ANK3: variants seen among roughly 807,000 people sequenced by gnomAD.
ANK3 encodes ankyrin 3.
Under a neutral mutation model 370.9 loss-of-function variants are expected in ANK3, and 57 were observed. That is an observed-to-expected ratio of 0.15 (90% CI 0.12 to 0.19). The LOEUF is 0.19. Among genes scored for constraint, ANK3 ranks in the 10% least tolerant of loss-of-function variants. ANK3 has a pLI of 1.00. For synonymous variants in ANK3, 1,929 were observed against 1,946.3 expected (o/e 0.99, Z 0.23); for missense variants, 4,439 against 5,302.1 (o/e 0.84, Z 5.06).
At chr10:60,497,977 T>C (rs569786247) in intron 2 of ANK3, among the ~76,000 whole-genome samples, 2 of 152,342 alleles carry the variant, frequency 1.3e-5, no homozygotes, top group South Asian at 2.1e-4. Flanking sequence ...TCTGCAGTTA[T>C]GTTTACCTTT....
chr10:60,492,394 G>C (rs916732448), intron 2 of ANK3, among the ~76,000 whole-genome samples: 3 of 152,102 alleles, frequency 2.0e-5, no homozygotes, highest in Non-Finnish European at 4.4e-5. Context: ...GAAACAGCAT[G>C]AGGATAGACA....
chr10:60,262,419 G>A (rs148053748), intron 6 of ANK3, among the ~76,000 whole-genome samples: 1,599 of 152,222 alleles, frequency 0.011, 42 homozygotes, highest in African/African-American at 0.036. Context: ...GGGGGAAGAC[G>A]TACTACCACA....
chr10:60,353,193 A>G (rs1384677633), intron 1 of ANK3, among the ~76,000 whole-genome samples: 3 of 137,686 alleles, frequency 2.2e-5, no homozygotes, highest in South Asian at 2.3e-4. Context: ...GGGTTTCACT[A>G]TGTTGCGCAG....
chr10:60,176,188 A>C (rs545788324), intron 18 of ANK3, among the ~76,000 whole-genome samples: 1,355 of 121,528 alleles, frequency 0.011, 9 homozygotes, highest in African/African-American at 0.016. Context: ...ACAAAAAAAA[A>C]AAAAAAACAA....
chr10:60,650,989 AG>A (rs759394392), intron 1 of ANK3, among the ~76,000 whole-genome samples: 2 of 152,188 alleles, frequency 1.3e-5, no homozygotes, highest in Non-Finnish European at 2.9e-5. Context: ...CCAGCTACTC[AG>A]GAGGTTGAGG....
Position 60,072,515 on chromosome 10 carries a change from G to T in ANK3, c.8366C>A (p.Thr2789Asn). The change falls in exon 37 of 44, where the codon ACC becomes AAC. Residue 2789 changes from threonine (T) to asparagine (N), a missense_variant. This residue lies in a region of ANK3 where 1,601 missense variants were observed against 1,731.7 expected (regional missense o/e 0.92). Coordinates refer to ENST00000280772, the MANE Select transcript of ANK3 (RefSeq NM_020987.5). ...SVQKDFMVLKTKDEHAQSNEI... is the reference protein window; with the variant it reads ...SVQKDFMVLKNKDEHAQSNEI... ...GTTGCTTTGGGCATGCTCATCTTTG[G>T]TTTTTAATACCATAAAATCTTTTTG... 1 of 1,613,718 alleles carries T rather than the reference G, an allele frequency of 6.2e-7. No homozygotes were observed. Among genetic ancestry groups the T allele is most frequent in the Non-Finnish European group, 8.5e-7 (1 of 1,179,934 alleles).
intron 4 of ANK3, among the ~76,000 whole-genome samples, chr10:60,273,743 T>G (rs12355714): frequency 4.0e-5 from 6 of 151,304 alleles, no homozygotes; most frequent in South Asian, 2.1e-4. Flanking sequence ...ATGGGGGGGG[T>G]TTCCCCCACA....
At chr10:60,272,814 A>G (rs915730168) in intron 4 of ANK3, among the ~76,000 whole-genome samples, 2 of 151,834 alleles carry the variant, frequency 1.3e-5, no homozygotes. Flanking sequence ...TTTTTCTTTC[A>G]GACATGAATA....
At chr10:60,472,571 C>G (rs1268594395) in intron 2 of ANK3, among the ~76,000 whole-genome samples, 1 of 152,160 alleles carries the variant, frequency 6.6e-6, no homozygotes, top group Non-Finnish European at 1.5e-5. Context: ...TCTCAGAGCT[C>G]TATTTCAGAG....
At chr10:60,114,832 A>C (rs186560918) in intron 25 of ANK3, among the ~76,000 whole-genome samples, 24 of 152,376 alleles carry the variant, frequency 1.6e-4, no homozygotes, top group Non-Finnish European at 2.8e-4. Flanking sequence ...AGCATCGAGA[A>C]CTAAAAGAAC....
rs556480841 is a variant in ANK3, at chr10:60,187,199, A to G, written c.1888-287T>C. ...TGAGACAGAGTCTCACTCTTCGCCC[A>G]GGCTGGAGTGCAGTGGCTGGATCTC... On this transcript the variant is annotated intron_variant, in intron 16 of 43. Coordinates refer to ENST00000280772, the MANE Select transcript of ANK3 (RefSeq NM_020987.5). Among the ~76,000 whole-genome samples, 466 of 150,378 alleles carry G rather than the reference A, an allele frequency of 3.1e-3. 3 individuals are homozygous for G. The highest frequency in any genetic ancestry group is 0.011 in the African/African-American group (444 of 40,318).
intron 23 of ANK3, among the ~76,000 whole-genome samples, chr10:60,148,279 T>G (rs151097154): frequency 6.6e-6 from 1 of 152,112 alleles, no homozygotes. Flanking sequence ...TACCTCTTCA[T>G]AGAAAAACCT....
At chr10:60,308,676 C>T (rs2045717064) in intron 1 of ANK3, among the ~76,000 whole-genome samples, 2 of 152,120 alleles carry the variant, frequency 1.3e-5, no homozygotes, top group South Asian at 4.2e-4. Context: ...CTGTTTCCAA[C>T]TGCATTTTCT....
At chr10:60,627,802 C>T (rs186022525) in intron 1 of ANK3, among the ~76,000 whole-genome samples, 1 of 152,156 alleles carries the variant, frequency 6.6e-6, no homozygotes, top group Non-Finnish European at 1.5e-5. Flanking sequence ...AATTCCAAGC[C>T]CTTTACAAAT....
chr10:60,685,522 A>T (rs1187041195), intron 1 of ANK3, among the ~76,000 whole-genome samples: 1 of 152,236 alleles, frequency 6.6e-6, no homozygotes, highest in Non-Finnish European at 1.5e-5. Flanking sequence ...AGTACAGTCA[A>T]ATTATTAGCC....
chr10:60,725,824 G>A (rs980403468), intron 1 of ANK3, among the ~76,000 whole-genome samples: 3 of 152,126 alleles, frequency 2.0e-5, no homozygotes, highest in Admixed American at 6.5e-5. Context: ...AAGGAGATAA[G>A]TGAATGAGCC....
chr10:60,401,680 T>C (rs2063354419), intron 2 of ANK3, among the ~76,000 whole-genome samples: 1 of 152,246 alleles, frequency 6.6e-6, no homozygotes, highest in Admixed American at 6.5e-5. Flanking sequence ...CACTAAGTCC[T>C]CTTCTATAAC....
At chr10:60,087,405 G>A (rs2086992660) in intron 29 of ANK3, among the ~76,000 whole-genome samples, 1 of 152,110 alleles carries the variant, frequency 6.6e-6, no homozygotes, top group Admixed American at 6.5e-5. Context: ...TGGTATGGGA[G>A]GCAGGTGAAG....
intron 1 of ANK3, among the ~76,000 whole-genome samples, chr10:60,361,031 A>T (rs2058521288): frequency 6.6e-6 from 1 of 152,210 alleles, no homozygotes; most frequent in Admixed American, 6.5e-5. Context: ...GAATTAATAC[A>T]ATGTAAAAAT....
Sources: gnomAD v4.1 joint callset for allele counts (sites outside exome capture counted in the v4.1 genomes callset) on GRCh38, gnomAD v4.1.1 for gene constraint, gnomAD v4.1.1 regional missense constraint, MANE v1.5 for transcripts, NCBI Gene and HGNC (gene_info 2026-07-23, HGNC 2026-07-21) for gene names.